PRKCA: variants seen among roughly 807,000 people sequenced by gnomAD.
PRKCA encodes the protein protein kinase C alpha type.
Under a neutral mutation model 87.0 loss-of-function variants are expected in PRKCA, and 27 were observed. That is an observed-to-expected ratio of 0.31 (90% confidence interval 0.23 to 0.43). PRKCA has a LOEUF of 0.43. Among genes scored for constraint, PRKCA ranks in the 20% least tolerant of loss-of-function variants. The pLI, the probability that PRKCA is intolerant of heterozygous loss-of-function variation, is 1.00. For synonymous variants in PRKCA, 329 were observed against 311.1 expected, an observed-to-expected ratio of 1.06 and a Z score of -0.61; for missense variants, 518 against 852.3, an observed-to-expected ratio of 0.61 and a Z score of 4.88.
At chr17:66,483,707 C>T (rs1170352102) in intron 2 of PRKCA, among the ~76,000 whole-genome samples, 5 of 152,036 alleles carry the variant, frequency 3.3e-5, no homozygotes, top group African/African-American at 7.2e-5. Flanking sequence ...GTGATCCACC[C>T]GCCTTGGCCT....
intron 2 of PRKCA, among the ~76,000 whole-genome samples, chr17:66,389,210 A>G (rs1270963878): frequency 6.6e-6 from 1 of 152,124 alleles, no homozygotes; most frequent in Non-Finnish European, 1.5e-5. Flanking sequence ...CCACACCAAG[A>G]GAGTTCTTAG....
rs190094629 is a variant in PRKCA at position 66,375,002 on chromosome 17, G to A, written c.205+68875G>A. On this transcript the variant is annotated intron_variant, in intron 2 of 16. Transcript: ENST00000413366. ...CCCGCCTTGGCCTCTCGAAGTGCTGGGATTACAGGCATGAGACACCGCACC... is the reference window on the plus strand; with the variant it reads ...CCCGCCTTGGCCTCTCGAAGTGCTGAGATTACAGGCATGAGACACCGCACC... Among the ~76,000 whole-genome samples the A allele has an allele frequency of 3.9e-5, 6 of 152,132 alleles. No individual in the cohort carries two copies. The East Asian group carries it at 9.7e-4, about 25-fold the overall frequency.
At chr17:66,704,150 C>T (rs1346092905) in intron 8 of PRKCA, among the ~76,000 whole-genome samples, 1 of 137,116 alleles carries the variant, frequency 7.3e-6, no homozygotes, top group African/African-American at 2.9e-5. Context: ...TTTATAATCT[C>T]AGCAAAGTTA....
At chr17:66,777,326 G>T (rs1466994615) in intron 14 of PRKCA, 1 of 985,116 alleles carries the variant, frequency 1.0e-6, no homozygotes, top group East Asian at 1.1e-4. Context: ...TGTAGACATT[G>T]AAAGACATAA....
At chr17:66,679,395 A>T (rs1972429698) in intron 5 of PRKCA, among the ~76,000 whole-genome samples, 2 of 151,942 alleles carry the variant, frequency 1.3e-5, no homozygotes, top group African/African-American at 4.8e-5. Flanking sequence ...GTTAGCCAGG[A>T]TGGTCTCAAT....
At chr17:66,500,098 T>C (rs1916663468) in intron 3 of PRKCA, among the ~76,000 whole-genome samples, 1 of 152,192 alleles carries the variant, frequency 6.6e-6, no homozygotes. Context: ...GTTACCTCCA[T>C]TTCCCCTTTT....
intron 3 of PRKCA, among the ~76,000 whole-genome samples, chr17:66,583,799 C>G (rs922663185): frequency 6.6e-6 from 1 of 152,068 alleles, no homozygotes; most frequent in African/African-American, 2.4e-5. Flanking sequence ...GGGGAAAAAG[C>G]CTGAAGCTGT....
chr17:66,795,403 A>C (rs1280054543), intron 16 of PRKCA, among the ~76,000 whole-genome samples: 1 of 152,238 alleles, frequency 6.6e-6, no homozygotes, highest in Non-Finnish European at 1.5e-5. Context: ...AACAACATAC[A>C]AACACTAACC....
intron 2 of PRKCA, among the ~76,000 whole-genome samples, chr17:66,338,651 A>G (rs1906851852): frequency 6.6e-6 from 1 of 152,316 alleles, no homozygotes; most frequent in African/African-American, 2.4e-5. Flanking sequence ...AATTTAAAAT[A>G]CAAGTGAACC....
At chr17:66,721,709 C>T (rs552193007) in intron 8 of PRKCA, among the ~76,000 whole-genome samples, 4 of 152,262 alleles carry the variant, frequency 2.6e-5, no homozygotes, top group South Asian at 2.1e-4. Context: ...TCGCTTTCCT[C>T]GCCATCTTGA....
chr17:66,481,334 A>G (rs534833401), intron 2 of PRKCA, among the ~76,000 whole-genome samples: 90 of 152,298 alleles, frequency 5.9e-4, no homozygotes, highest in Admixed American at 1.0e-3. Flanking sequence ...GTTGACCAGA[A>G]GGTAAGTGAA....
chr17:66,774,274 C>A (rs973792646), intron 14 of PRKCA: 1 of 1,408,880 alleles, frequency 7.1e-7, no homozygotes, highest in African/African-American at 1.4e-5. Flanking sequence ...CATAGAAACT[C>A]CAAATTGAAA....
intron 2 of PRKCA, among the ~76,000 whole-genome samples, chr17:66,468,381 G>A (rs1326641068): frequency 6.6e-6 from 1 of 152,176 alleles, no homozygotes; most frequent in Non-Finnish European, 1.5e-5. Context: ...CTGGCTGTGG[G>A]AGGCACACAT....
At chr17:66,484,769 A>G (rs1417419027) in intron 2 of PRKCA, among the ~76,000 whole-genome samples, 2 of 152,190 alleles carry the variant, frequency 1.3e-5, no homozygotes, top group East Asian at 1.9e-4. Flanking sequence ...TGTTTCATCC[A>G]TCTTCTCTCC....
intron 2 of PRKCA, chr17:66,397,922 T>C (rs940332794): frequency 2.0e-5 from 3 of 152,120 alleles, no homozygotes; most frequent in Non-Finnish European, 2.9e-5. Flanking sequence ...TCGTCTAAAC[T>C]CCAAAGAAGT....
intron 5 of PRKCA, 75 bp downstream of exon 5, chr17:66,645,586 TG>T: frequency 1.3e-6 from 2 of 1,586,544 alleles, no homozygotes; most frequent in Non-Finnish European, 1.7e-6. Context: ...TAAGGCAGGG[TG>T]GGGGCTGGGC....
chr17:66,407,328 G>C (rs1911475841), intron 2 of PRKCA, among the ~76,000 whole-genome samples: 1 of 152,088 alleles, frequency 6.6e-6, no homozygotes. Context: ...TACTGTGATA[G>C]TGAGTTCTCG....
intron 2 of PRKCA, among the ~76,000 whole-genome samples, chr17:66,319,119 C>A (rs897478125): frequency 6.6e-6 from 1 of 152,012 alleles, no homozygotes; most frequent in Non-Finnish European, 1.5e-5. Flanking sequence ...CAGAGTGAGA[C>A]CCTGTCCCCT....
Position 66,442,973 on chromosome 17 carries a change from G to C in PRKCA, c.206-53228G>C, listed in dbSNP as rs909251340. Among the ~76,000 whole-genome samples, 97 of 152,166 alleles carry C rather than the reference G, an allele frequency of 6.4e-4. 1 individual carries two copies. Among genetic ancestry groups the C allele is most frequent in the Non-Finnish European group, 2.4e-4 (16 of 68,032 alleles). On this transcript the variant is annotated intron_variant, in intron 2 of 16. Coordinates refer to ENST00000413366, the MANE Select transcript of PRKCA (RefSeq NM_002737.3). The stretch of plus-strand genomic sequence containing the variant: ...GCCATTGTTGACCTGAACACGAGGT[G>C]ACTCTGGCAGGAGCCCTGGCCATCG...
Sources: allele counts gnomAD v4.1 joint callset (sites outside exome capture counted in the v4.1 genomes callset), GRCh38; gene constraint gnomAD v4.1.1; transcripts MANE v1.5; gene names NCBI Gene and HGNC (gene_info 2026-07-23, HGNC 2026-07-21).